The following PRDM16 variants were observed in gnomAD, a reference collection of about 807,000 sequenced individuals.
The protein encoded by PRDM16 is histone-lysine N-methyltransferase PRDM16.
In PRDM16, 23 loss-of-function variants were observed where a neutral mutation model predicts 110.6. That is an observed-to-expected ratio of 0.21 (90% CI 0.15 to 0.29). The LOEUF is 0.29. PRDM16 is among the 10% of genes least tolerant of loss of function. PRDM16 has a pLI of 1.00. For synonymous variants in PRDM16, 799 were observed against 781.8 expected (o/e 1.02, Z -0.37); for missense variants, 1,615 against 1,794.3 (o/e 0.90, Z 1.81).
At chr1:3,299,199 G>A (rs951594998) in intron 3 of PRDM16, among the ~76,000 whole-genome samples, 138 of 149,640 alleles carry the variant, frequency 9.2e-4, no homozygotes, top group African/African-American at 2.8e-3. Context: ...GATCCCAGTC[G>A]TGGTGGCTCT....
At chr1:3,410,745 G>A (rs1643671073) in intron 8 of PRDM16, among the ~76,000 whole-genome samples, 3 of 152,202 alleles carry the variant, frequency 2.0e-5, no homozygotes, top group Non-Finnish European at 4.4e-5. Flanking sequence ...TAGAACAGCT[G>A]CAAAAGTGAA....
chr1:3,426,740 C>T (rs1638619156), intron 14 of PRDM16, among the ~76,000 whole-genome samples: 2 of 152,182 alleles, frequency 1.3e-5, no homozygotes. Flanking sequence ...CATGTGTATA[C>T]ATATGCCATT....
intron 1 of PRDM16, among the ~76,000 whole-genome samples, chr1:3,160,940 C>T (rs547568366): frequency 5.1e-4 from 77 of 152,328 alleles, no homozygotes; most frequent in Non-Finnish European, 8.5e-4. Context: ...CGGTGGCTTT[C>T]GTTTCTTTAT....
intron 1 of PRDM16, among the ~76,000 whole-genome samples, chr1:3,179,595 G>A (rs958080547): frequency 2.0e-4 from 30 of 152,372 alleles, no homozygotes; most frequent in Non-Finnish European, 2.2e-4. Flanking sequence ...CAGGCAGCAT[G>A]AGGGAGAGAA....
intron 1 of PRDM16, among the ~76,000 whole-genome samples, chr1:3,178,851 G>A (rs1021627311): frequency 1.3e-5 from 2 of 152,186 alleles, no homozygotes; most frequent in African/African-American, 4.8e-5. Flanking sequence ...GTCCTCAGGG[G>A]ATGCAGGGGC....
chr1:3,431,486 C>T (rs1638767666), intron 15 of PRDM16, among the ~76,000 whole-genome samples: 1 of 152,376 alleles, frequency 6.6e-6, no homozygotes, highest in Middle Eastern at 3.4e-3. Flanking sequence ...CCATTCTGTG[C>T]CGGCCAGGGC....
chr1:3,238,167 CCT>C (rs1190647773), intron 2 of PRDM16: 1 of 152,248 alleles, frequency 6.6e-6, no homozygotes, highest in Non-Finnish European at 1.5e-5. Context: ...CAGGCCAACC[CCT>C]GATGACAGGG....
Position 3,246,504 on chromosome 1 carries a change from A to G in PRDM16, c.438+2367A>G, listed in dbSNP as rs762320340. The stretch of plus-strand genomic sequence containing the variant: ...GGGGCGTTGGTGGGCGGTCCTGTCC[A>G]AGCAGGCCTCCTGACCCCAGCCCAG... On this transcript the variant is annotated intron_variant, in intron 3 of 16. Coordinates refer to ENST00000270722, the MANE Select transcript of PRDM16 (RefSeq NM_022114.4). This position sits in a 1 kb window ranked among gnomAD's most constrained non-coding sequence, Gnocchi z 5.2. 1.6e-4 allele frequency among the ~76,000 whole-genome samples: 24 copies of G among 152,152 alleles called. No individual in the cohort carries two copies. Among genetic ancestry groups the G allele is most frequent in the Non-Finnish European group, 2.9e-4 (20 of 68,020 alleles).
At chr1:3,114,197 ACGCACGCACACACG>A (rs1557455999) in intron 1 of PRDM16, among the ~76,000 whole-genome samples, 3 of 129,548 alleles carry the variant, frequency 2.3e-5, no homozygotes, top group African/African-American at 9.9e-5. Context: ...ACACACGCAC[ACGCACGCACACACG>A]CACACGAACA....
At position 3,246,812 on chromosome 1, in the gene PRDM16, G is replaced by A. The variant is rs1004290981; in HGVS notation, c.438+2675G>A. ...CATTTCTAGGCACTCTCGGGGAGCC[G>A]GGGGGGTTGGGGCTGAGAGACTGAG... On this transcript the variant is annotated intron_variant, in intron 3 of 16. Coordinates refer to ENST00000270722, the MANE Select transcript of PRDM16 (RefSeq NM_022114.4). The surrounding 1 kb of genome is among the most constrained non-coding windows in gnomAD (Gnocchi z 5.2). Among the ~76,000 whole-genome samples, 1 of 152,070 alleles carries A rather than the reference G, an allele frequency of 6.6e-6. No homozygotes were observed. The highest frequency in any genetic ancestry group is 1.5e-5 in the Non-Finnish European group (1 of 68,002).
At chr1:3,124,519 G>C (rs1262345169) in intron 1 of PRDM16, among the ~76,000 whole-genome samples, 3 of 152,208 alleles carry the variant, frequency 2.0e-5, no homozygotes, top group Admixed American at 6.5e-5. Context: ...AGGCAGCGAT[G>C]CTTACCACTA....
At position 3,186,192 on chromosome 1, in the gene PRDM16, G is replaced by A. The variant is rs901563448; in HGVS notation, c.105G>A (p.Glu35=). 22 of 1,612,902 alleles carry A rather than the reference G, an allele frequency of 1.4e-5. No individual in the cohort carries two copies. Among genetic ancestry groups the A allele is most frequent in the Non-Finnish European group, 1.9e-5 (22 of 1,179,982 alleles). ...NRDLLASHSA[E]DEAEDSAMSP... ...ACCTGCTGGCCAGCCACAGCGCGGA[G>A]GACGAGGCCGAGGACAGTGCCATGT... Residue 35 remains glutamate (E), a synonymous_variant, in exon 2 of 17, where the codon GAG becomes GAA. Coordinates refer to ENST00000270722, the MANE Select transcript of PRDM16 (RefSeq NM_022114.4).
At chr1:3,312,621 G>A (rs12743017) in intron 3 of PRDM16, among the ~76,000 whole-genome samples, 15,213 of 152,268 alleles carry the variant, frequency 0.1, 893 homozygotes, top group African/African-American at 0.16. Context: ...AGGGGCTTTC[G>A]GAAAGGGACC....
At chr1:3,096,830 G>A (rs1642412213) in intron 1 of PRDM16, among the ~76,000 whole-genome samples, 1 of 152,210 alleles carries the variant, frequency 6.6e-6, no homozygotes, top group African/African-American at 2.4e-5. Flanking sequence ...TTGTGCCAAG[G>A]ACGGGAGTCT....
At chr1:3,406,924 G>A (rs1359217619) in intron 8 of PRDM16, among the ~76,000 whole-genome samples, 1 of 152,166 alleles carries the variant, frequency 6.6e-6, no homozygotes, top group Non-Finnish European at 1.5e-5. Context: ...GCATCCTTAC[G>A]AAAGCCTGAG....
At chr1:3,186,536 T>A in intron 2 of PRDM16, 62 bp downstream of exon 2, 1 of 1,159,834 alleles carries the variant, frequency 8.6e-7, no homozygotes, top group Non-Finnish European at 1.2e-6. Flanking sequence ...AATCTATTTA[T>A]AAAGCCGGGC....
At chr1:3,381,716 A>G (rs927995552) in intron 3 of PRDM16, among the ~76,000 whole-genome samples, 1 of 152,246 alleles carries the variant, frequency 6.6e-6, no homozygotes, top group Admixed American at 6.5e-5. Flanking sequence ...GTCAACAACC[A>G]GGCCCCAGGA....
chr1:3,090,860 C>T (rs1195794102), intron 1 of PRDM16, among the ~76,000 whole-genome samples: 1 of 152,198 alleles, frequency 6.6e-6, no homozygotes, highest in Non-Finnish European at 1.5e-5. Context: ...AGGCAGGACC[C>T]TCAGGCTCCG....
chr1:3,403,336 A>G (rs1265439172), intron 6 of PRDM16, among the ~76,000 whole-genome samples: 2 of 152,198 alleles, frequency 1.3e-5, no homozygotes, highest in African/African-American at 4.8e-5. Context: ...GAAAGGAGAA[A>G]AACTCAGGCC....
Sources: allele counts gnomAD v4.1 joint callset (sites outside exome capture counted in the v4.1 genomes callset), GRCh38; gene constraint gnomAD v4.1.1; non-coding constraint Gnocchi (gnomAD v3.1); transcripts MANE v1.5; gene names NCBI Gene and HGNC (gene_info 2026-07-23, HGNC 2026-07-21).